Variants in TTLL11 observed in about 807,000 individuals in gnomAD.
TTLL11 encodes the protein tubulin tyrosine ligase like 11.
TTLL11 carries 42 observed loss-of-function variants against 51.7 expected under a neutral mutation model. The observed-to-expected ratio is 0.81, with a 90% confidence interval of 0.64 to 1.05. The LOEUF (loss-of-function observed/expected upper bound fraction) is 1.05, where lower values mean the gene tolerates loss of function less well. Ranked by LOEUF, TTLL11 falls within the 50% of genes least tolerant of loss-of-function variation. The probability of loss-of-function intolerance (pLI) is 0.00; values close to 1 mark genes in which losing one functional copy is unlikely to be tolerated. For missense variants in TTLL11, 799 were observed against 940.4 expected (o/e 0.85, Z 1.97); for synonymous variants, 381 against 383.5 (o/e 0.99, Z 0.08).
At chr9:122,006,458 A>G (rs1470237578) in intron 3 of TTLL11, among the ~76,000 whole-genome samples, 2 of 151,978 alleles carry the variant, frequency 1.3e-5, no homozygotes, top group African/African-American at 4.8e-5. Flanking sequence ...ATTGCGGACC[A>G]TGGTATTTGA....
intron 8 of TTLL11, among the ~76,000 whole-genome samples, chr9:121,837,986 T>TG (rs1433302473): frequency 6.6e-6 from 1 of 152,196 alleles, no homozygotes; most frequent in Non-Finnish European, 1.5e-5. Context: ...TTCCTTGCTG[T>TG]GGGCCCCACA....
chr9:121,905,868 A>T (rs550223124), intron 6 of TTLL11, among the ~76,000 whole-genome samples: 31 of 152,304 alleles, frequency 2.0e-4, no homozygotes, highest in Non-Finnish European at 2.5e-4. Flanking sequence ...TTCTAAGTCA[A>T]CAAGTGTGAA....
intron 1 of TTLL11, among the ~76,000 whole-genome samples, chr9:122,071,955 T>C (rs558838170): frequency 6.6e-6 from 1 of 152,194 alleles, no homozygotes; most frequent in East Asian, 1.9e-4. Flanking sequence ...AAGGAGGGTG[T>C]CCCCACTTCC....
chr9:121,986,580 C>G (rs1380534450), intron 4 of TTLL11, among the ~76,000 whole-genome samples: 2 of 152,126 alleles, frequency 1.3e-5, no homozygotes, highest in Non-Finnish European at 2.9e-5. Context: ...CCCTGGGAAC[C>G]AAAGGCCAGG....
rs74689931 is a variant in TTLL11, at chr9:121,891,263, G to A, written c.1482-20515C>T. ...AGAAAGTATCTACTGAAAAACACGAGCAACCTTGAGAGTCTCCACTGCTTC... is the reference window on the plus strand; with the variant it reads ...AGAAAGTATCTACTGAAAAACACGAACAACCTTGAGAGTCTCCACTGCTTC... On this transcript the variant is annotated intron_variant, in intron 6 of 8. Transcript: ENST00000321582. 6.6e-5 allele frequency among the ~76,000 whole-genome samples: 10 copies of A among 152,288 alleles called. No homozygotes were observed. The East Asian group carries it at 1.9e-3, about 29-fold the overall frequency.
intron 1 of TTLL11, among the ~76,000 whole-genome samples, chr9:122,082,741 A>T (rs1846030473): frequency 1.3e-5 from 2 of 152,124 alleles, no homozygotes; most frequent in African/African-American, 4.8e-5. Flanking sequence ...ATTTTAAAAA[A>T]TGAAATATCT....
chr9:122,040,217 G>GA (rs1380877865), intron 1 of TTLL11, among the ~76,000 whole-genome samples: 1 of 152,104 alleles, frequency 6.6e-6, no homozygotes, highest in Non-Finnish European at 1.5e-5. Context: ...AAGCAGAGAT[G>GA]AGACAACATA....
At chr9:121,862,214 A>G (rs1191220301) in intron 7 of TTLL11, among the ~76,000 whole-genome samples, 1 of 151,390 alleles carries the variant, frequency 6.6e-6, no homozygotes. Context: ...AGGGGAGGGC[A>G]GTCTGGTATG....
chr9:121,964,732 G>C (rs1279292816), intron 6 of TTLL11, among the ~76,000 whole-genome samples: 1 of 152,092 alleles, frequency 6.6e-6, no homozygotes, highest in Admixed American at 6.5e-5. Context: ...CCCCAACAGA[G>C]CCTTGTGCCT....
chr9:121,843,276 T>G (rs1564268711), intron 8 of TTLL11, among the ~76,000 whole-genome samples: 1 of 152,130 alleles, frequency 6.6e-6, no homozygotes, highest in East Asian at 1.9e-4. Flanking sequence ...CCATGAGTAC[T>G]GAGGTCACAG....
chr9:122,051,845 C>T (rs757245958), intron 1 of TTLL11, among the ~76,000 whole-genome samples: 3 of 152,152 alleles, frequency 2.0e-5, no homozygotes, highest in Non-Finnish European at 4.4e-5. Context: ...TCAGGGCTCT[C>T]CTGGAGACTG....
intron 3 of TTLL11, among the ~76,000 whole-genome samples, chr9:121,999,379 T>C (rs1225511796): frequency 2.6e-5 from 4 of 152,174 alleles, no homozygotes. Flanking sequence ...GCTCATTGTC[T>C]TTTCTCTCAA....
chr9:121,863,262 G>T (rs9299276), intron 7 of TTLL11, among the ~76,000 whole-genome samples: 14 of 152,232 alleles, frequency 9.2e-5, no homozygotes, highest in African/African-American at 2.9e-4. Flanking sequence ...CTGTGGGGGA[G>T]GATGGTCCAG....
intron 1 of TTLL11, among the ~76,000 whole-genome samples, chr9:122,083,226 A>C (rs1280506771): frequency 2.0e-5 from 3 of 152,022 alleles, no homozygotes; most frequent in Admixed American, 6.6e-5. Context: ...GCTTCAGCGA[A>C]TCAAATCTGA....
intron 2 of TTLL11, among the ~76,000 whole-genome samples, chr9:122,032,950 A>G (rs1844596192): frequency 6.6e-6 from 1 of 151,840 alleles, no homozygotes; most frequent in Non-Finnish European, 1.5e-5. Context: ...GTGTGCCACC[A>G]TGCCCGGCTA....
intron 6 of TTLL11, among the ~76,000 whole-genome samples, chr9:121,947,814 C>T (rs909993313): frequency 1.3e-5 from 2 of 152,200 alleles, no homozygotes; most frequent in African/African-American, 2.4e-5. Context: ...CCAGTACCCC[C>T]GCGGAGCTCA....
intron 6 of TTLL11, among the ~76,000 whole-genome samples, chr9:121,949,649 C>T (rs1431395007): frequency 6.6e-6 from 1 of 152,040 alleles, no homozygotes; most frequent in Non-Finnish European, 1.5e-5. Context: ...GGCTGTCTCT[C>T]CTCTACCATC....
intron 1 of TTLL11, among the ~76,000 whole-genome samples, chr9:122,070,009 A>G (rs538379655): frequency 3.3e-5 from 5 of 151,712 alleles, no homozygotes; most frequent in African/African-American, 1.2e-4. Flanking sequence ...ACACACACAC[A>G]CACGCGCACA....
At chr9:121,824,074 T>C (rs962270613) in intron 8 of TTLL11, among the ~76,000 whole-genome samples, 3 of 152,312 alleles carry the variant, frequency 2.0e-5, no homozygotes, top group Admixed American at 1.3e-4. Flanking sequence ...TATAGATGAA[T>C]GAGTGAATGA....
Sources: gnomAD v4.1 joint callset for allele counts (sites outside exome capture counted in the v4.1 genomes callset) on GRCh38, gnomAD v4.1.1 for gene constraint, MANE v1.5 for transcripts, NCBI Gene and HGNC (gene_info 2026-07-23, HGNC 2026-07-21) for gene names.